MAN2A1: variants seen among roughly 807,000 people sequenced by gnomAD.
MAN2A1 encodes mannosidase alpha class 2A member 1.
A neutral mutation model predicts 142.6 loss-of-function variants in MAN2A1; 76 were observed. The observed-to-expected ratio is 0.53, with a 90% CI of 0.44 to 0.65. MAN2A1 has a LOEUF of 0.65. Ranked by LOEUF, MAN2A1 falls within the 30% of genes least tolerant of loss-of-function variation. The pLI is 0.00. For synonymous variants in MAN2A1, 559 were observed against 473.2 expected (o/e 1.18, Z -2.35); for missense variants, 1,311 against 1,365.1 (o/e 0.96, Z 0.62).
At chr5:109,843,270 G>C (rs1253724070) in intron 17 of MAN2A1, among the ~76,000 whole-genome samples, 1 of 152,160 alleles carries the variant, frequency 6.6e-6, no homozygotes, top group Non-Finnish European at 1.5e-5. Flanking sequence ...GTCTTACATG[G>C]CTGCAGGCAA....
At chr5:109,755,506 C>A in intron 5 of MAN2A1, 50 bp downstream of exon 5, 1 of 1,490,404 alleles carries the variant, frequency 6.7e-7, no homozygotes, top group East Asian at 2.3e-5. Context: ...AGTTAATTTT[C>A]GGGATGTGAA....
chr5:109,741,255 G>T lies in MAN2A1; in HGVS notation c.707+11742G>T, dbSNP rs530197344. On this transcript the variant is annotated intron_variant, in intron 4 of 21. Coordinates refer to ENST00000261483, the MANE Select transcript of MAN2A1 (RefSeq NM_002372.4). The stretch of plus-strand genomic sequence containing the variant: ...CTGTTTCTGGTCAAGATTTGCTAAA[G>T]TTCTCTCTCTTCTAGCTGTAATAAT... 3.3e-5 allele frequency among the ~76,000 whole-genome samples: 5 copies of T among 152,312 alleles called. No individual in the cohort carries two copies. In the East Asian group the frequency reaches 9.6e-4, roughly 29 times the overall value.
At position 109,867,943 on chromosome 5, in the gene MAN2A1, T is replaced by C. The variant is rs1755926173; in HGVS notation, c.*945T>C. 6.6e-6 allele frequency: 1 copy of C among 152,140 alleles called. No individual in the cohort carries two copies. The highest frequency in any genetic ancestry group is 1.5e-5 in the Non-Finnish European group (1 of 67,998). 9.4% of individuals were successfully genotyped at this position (152,140 alleles called of 1,614,324 possible). On this transcript the variant is annotated 3_prime_UTR_variant, in exon 22 of 22. Coordinates refer to ENST00000261483, the MANE Select transcript of MAN2A1 (RefSeq NM_002372.4). ...TGGGTACTTTCTATGACACATAAAT[T>C]GTGTAATTTTTGCCTGACAATGCTG... is the stretch of plus-strand genomic sequence containing the variant.
At chr5:109,808,320 A>G (rs1361428804) in intron 12 of MAN2A1, among the ~76,000 whole-genome samples, 2 of 152,222 alleles carry the variant, frequency 1.3e-5, no homozygotes, top group African/African-American at 4.8e-5. Flanking sequence ...ATCCAAAGCT[A>G]TTAAAAGGAT....
chr5:109,867,139 C>T lies in MAN2A1; in HGVS notation c.*141C>T, dbSNP rs900307989. On this transcript the variant is annotated 3_prime_UTR_variant, in exon 22 of 22. Transcript: ENST00000261483. ...TGATTCTGTGGGTTTTTTCTTTTTT[C>T]TTTTACCAGTACAGTAAGAAAAAAA... 1.1e-4 allele frequency: 21 copies of T among 192,900 alleles called. No individual in the cohort carries two copies. Among genetic ancestry groups the T allele is most frequent in the Admixed American group, 4.5e-4 (5 of 11,026 alleles). 11.9% of individuals were successfully genotyped at this position (192,900 alleles called of 1,614,324 possible).
rs762781553 is a variant in MAN2A1, at chr5:109,823,764, T to C, written c.2493T>C (p.His831=). The change falls in exon 16 of 22, where the codon CAT becomes CAC. Residue 831 remains histidine (H), a synonymous_variant. Transcript: ENST00000261483. Reference sequence around the variant, plus strand: ...CACCGCCCTTTGTCAGAGTGACACATGGAAGGATTTATTCGGAAGTGACTT... The same window carrying C: ...CACCGCCCTTTGTCAGAGTGACACACGGAAGGATTTATTCGGAAGTGACTT... ...YTTPPFVRVT[H]GRIYSEVTCF... The C allele has an allele frequency of 6.8e-6, 11 of 1,609,720 alleles. No individual in the cohort carries two copies. The highest frequency in any genetic ancestry group is 9.3e-6 in the Non-Finnish European group (11 of 1,177,972).
At chr5:109,735,259 T>C (rs1445632092) in intron 4 of MAN2A1, among the ~76,000 whole-genome samples, 11 of 152,174 alleles carry the variant, frequency 7.2e-5, no homozygotes, top group Non-Finnish European at 1.6e-4. Flanking sequence ...TTTGAGCCTA[T>C]GTGTGTCTCT....
intron 19 of MAN2A1, 95 bp downstream of exon 19, chr5:109,847,885 A>G (rs1755382707): frequency 1.1e-6 from 1 of 926,696 alleles, no homozygotes; most frequent in African/African-American, 1.7e-5. Flanking sequence ...TTTAAAAATC[A>G]TTTCCAATAT....
intron 15 of MAN2A1, among the ~76,000 whole-genome samples, chr5:109,822,471 A>C (rs1754651695): frequency 2.0e-5 from 3 of 152,188 alleles, no homozygotes; most frequent in Admixed American, 6.5e-5. Flanking sequence ...GAAAATAAAA[A>C]ACATCAGGGA....
intron 17 of MAN2A1, among the ~76,000 whole-genome samples, chr5:109,845,063 A>G (rs1181724467): frequency 6.6e-6 from 1 of 152,202 alleles, no homozygotes; most frequent in Non-Finnish European, 1.5e-5. Context: ...TGGGCACTTA[A>G]TACATGTTAA....
intron 1 of MAN2A1, among the ~76,000 whole-genome samples, chr5:109,705,717 A>G (rs1240617674): frequency 1.3e-5 from 2 of 152,234 alleles, no homozygotes; most frequent in Non-Finnish European, 2.9e-5. Context: ...AACAGGCCCT[A>G]CTGGACTAAA....
rs1363066710 is a variant in MAN2A1, at chr5:109,869,008, G to A, written c.*2010G>A. ...GTTGTTTGCGATGGATCTGTCCCAT[G>A]TCAGTCTGGGGTTTTATTCAGCTTG... On this transcript the variant is annotated 3_prime_UTR_variant, in exon 22 of 22. Coordinates refer to ENST00000261483, the MANE Select transcript of MAN2A1 (RefSeq NM_002372.4). The A allele has an allele frequency of 2.0e-5, 3 of 152,200 alleles. No individual in the cohort carries two copies. Among genetic ancestry groups the A allele is most frequent in the Admixed American group, 6.5e-5 (1 of 15,288 alleles). The allele number at this position is 152,200 out of a possible 1,614,324, so 9.4% of individuals were successfully genotyped here. A position where few individuals can be genotyped will look rare whatever the true frequency, so the allele number is the denominator to read the frequency against.
intron 3 of MAN2A1, among the ~76,000 whole-genome samples, chr5:109,724,834 T>G (rs530066305): frequency 6.6e-6 from 1 of 152,302 alleles, no homozygotes; most frequent in African/African-American, 2.4e-5. Context: ...TTTTGGAAAC[T>G]TAAAGATAAT....
chr5:109,831,295 T>A (rs1159901587), intron 16 of MAN2A1, among the ~76,000 whole-genome samples: 1 of 152,102 alleles, frequency 6.6e-6, no homozygotes. Flanking sequence ...GCCAGATGGG[T>A]TAGATAGTTT....
chr5:109,838,733 T>C (rs1755121487), intron 16 of MAN2A1, among the ~76,000 whole-genome samples: 2 of 152,248 alleles, frequency 1.3e-5, no homozygotes, highest in Non-Finnish European at 2.9e-5. Context: ...AAGTTTAATC[T>C]TATTTTAAAA....
chr5:109,766,170 T>A (rs2301003), intron 5 of MAN2A1, among the ~76,000 whole-genome samples: 1 of 152,156 alleles, frequency 6.6e-6, no homozygotes, highest in East Asian at 1.9e-4. Context: ...TCTCCTGTTG[T>A]AATGCAATAT....
chr5:109,699,959 A>T (rs1750929327), intron 1 of MAN2A1: 1 of 152,232 alleles, frequency 6.6e-6, no homozygotes, highest in South Asian at 2.1e-4. Flanking sequence ...AGAAGGAGGG[A>T]TAATCTTGAT....
intron 10 of MAN2A1, 99 bp downstream of exon 10, chr5:109,785,025 C>A: frequency 2.6e-6 from 2 of 773,198 alleles, no homozygotes; most frequent in Non-Finnish European, 4.0e-6. Context: ...TATCAAACCA[C>A]ATTAACAATG....
At chr5:109,770,634 G>A in intron 7 of MAN2A1, 93 bp downstream of exon 7, 1 of 1,112,924 alleles carries the variant, frequency 9.0e-7, no homozygotes, top group East Asian at 2.4e-5. Context: ...GGCTTTATTA[G>A]CCAACATTAT....
Sources: gnomAD v4.1 joint callset for allele counts (sites outside exome capture counted in the v4.1 genomes callset) on GRCh38, gnomAD v4.1.1 for gene constraint, MANE v1.5 for transcripts, NCBI Gene and HGNC (gene_info 2026-07-23, HGNC 2026-07-21) for gene names.